The following USP32 variants were observed in gnomAD, a reference collection of about 807,000 sequenced individuals.
USP32 encodes ubiquitin carboxyl-terminal hydrolase 32.
A neutral mutation model predicts 204.8 loss-of-function variants in USP32; 59 were observed. That is an observed-to-expected ratio of 0.29 (90% confidence interval 0.23 to 0.36). The LOEUF is 0.36. Among genes scored for constraint, USP32 ranks in the 10% least tolerant of loss-of-function variants. USP32 has a pLI of 1.00. For synonymous variants in USP32, 517 were observed against 678.4 expected (o/e 0.76, Z 3.70); for missense variants, 1,160 against 1,946.4 (o/e 0.60, Z 7.60).
At chr17:60,389,903 G>T (rs77652295) in intron 1 of USP32, among the ~76,000 whole-genome samples, 1 of 151,886 alleles carries the variant, frequency 6.6e-6, no homozygotes. Context: ...TATAGTCCCA[G>T]CTGCTGGGGA....
chr17:60,314,809 C>A (rs1344869165), intron 2 of USP32, among the ~76,000 whole-genome samples: 2 of 151,814 alleles, frequency 1.3e-5, no homozygotes, highest in Non-Finnish European at 2.9e-5. Context: ...AATAGTAATA[C>A]AGAAAATCTT....
intron 2 of USP32, among the ~76,000 whole-genome samples, chr17:60,340,236 C>T (rs2088625564): frequency 6.6e-6 from 1 of 152,110 alleles, no homozygotes; most frequent in Non-Finnish European, 1.5e-5. Context: ...ATAGATCATC[C>T]ATTCCATGAG....
intron 7 of USP32, 89 bp from the exon 8 acceptor site, chr17:60,266,180 T>G (rs1431064762): frequency 1.0e-6 from 1 of 980,730 alleles, no homozygotes; most frequent in African/African-American, 1.6e-5. Flanking sequence ...GTATAATTAC[T>G]TAGTTTTTAA....
At chr17:60,278,037 G>A (rs913976401) in intron 5 of USP32, among the ~76,000 whole-genome samples, 13 of 150,312 alleles carry the variant, frequency 8.6e-5, no homozygotes, top group African/African-American at 3.2e-4. Context: ...CTCCACAGTA[G>A]CTGGGAATAT....
intron 11 of USP32, among the ~76,000 whole-genome samples, chr17:60,243,042 G>A (rs1015907701): frequency 1.4e-4 from 22 of 152,162 alleles, no homozygotes; most frequent in African/African-American, 5.3e-4. Flanking sequence ...GCAATGCTTT[G>A]TATCTTTCAG....
intron 5 of USP32, among the ~76,000 whole-genome samples, chr17:60,279,625 C>G (rs2086918211): frequency 6.6e-6 from 1 of 151,692 alleles, no homozygotes; most frequent in Admixed American, 6.6e-5. Flanking sequence ...TCACTAGAGC[C>G]CAGGAGTTTG....
Position 60,401,781 on chromosome 17 carries a change from G to C in USP32, c.106+20465C>G, listed in dbSNP as rs542563017. ...CTGCCTATGCATGAACTTCAGCCTGGTTGTCACTCAGAGATTACTGGGGCC... is the reference window on the plus strand; with the variant it reads ...CTGCCTATGCATGAACTTCAGCCTGCTTGTCACTCAGAGATTACTGGGGCC... On this transcript the variant is annotated intron_variant, in intron 1 of 3. Coordinates refer to the USP32 transcript ENST00000588898. 6.6e-5 allele frequency among the ~76,000 whole-genome samples: 10 copies of C among 151,782 alleles called. No individual in the cohort carries two copies. In the South Asian group the frequency reaches 2.1e-3, roughly 32 times the overall value.
intron 11 of USP32, among the ~76,000 whole-genome samples, chr17:60,236,668 C>CA (rs1470453147): frequency 6.6e-6 from 1 of 152,094 alleles, no homozygotes; most frequent in Non-Finnish European, 1.5e-5. Flanking sequence ...TATGTGCAAC[C>CA]AACACCACAA....
intron 11 of USP32, among the ~76,000 whole-genome samples, chr17:60,240,167 A>G (rs1377261747): frequency 6.6e-6 from 1 of 152,176 alleles, no homozygotes; most frequent in Non-Finnish European, 1.5e-5. Context: ...ATTTCTATTA[A>G]TTTCCTCTGC....
intron 2 of USP32, among the ~76,000 whole-genome samples, chr17:60,307,845 A>G (rs1250240251): frequency 6.6e-6 from 1 of 152,128 alleles, no homozygotes; most frequent in Admixed American, 6.5e-5. Context: ...GCAAGCAGAG[A>G]CATACAATTG....
chr17:60,236,642 T>C (rs997899624), intron 11 of USP32, among the ~76,000 whole-genome samples: 1 of 152,188 alleles, frequency 6.6e-6, no homozygotes, highest in African/African-American at 2.4e-5. Context: ...CTCAGTGATT[T>C]TGATAACTTT....
rs186734653 is a variant in USP32 at position 60,401,230 on chromosome 17, C to T, written c.106+21016G>A. Reference sequence around the variant, plus strand: ...CAGCACTTTGGGGGGCCAAGGTGGGCGTGGTGGTGGGCGCCTGTAGTCCCA... The same window carrying T: ...CAGCACTTTGGGGGGCCAAGGTGGGTGTGGTGGTGGGCGCCTGTAGTCCCA... On this transcript the variant is annotated intron_variant, in intron 1 of 3. Transcript: ENST00000588898. 9.5e-3 allele frequency among the ~76,000 whole-genome samples: 1,425 copies of T among 150,106 alleles called. 31 individuals carry two copies. Among genetic ancestry groups the T allele is most frequent in the African/African-American group, 0.033 (1,369 of 40,868 alleles).
chr17:60,297,195 C>T (rs1303836407), intron 3 of USP32, among the ~76,000 whole-genome samples: 6 of 151,984 alleles, frequency 3.9e-5, no homozygotes, highest in East Asian at 1.9e-4. Flanking sequence ...GCCAGGAGTT[C>T]GAGACCAGCC....
chr17:60,387,630 C>T (rs1283837616), intron 1 of USP32, among the ~76,000 whole-genome samples: 10 of 152,098 alleles, frequency 6.6e-5, no homozygotes, highest in African/African-American at 1.7e-4. Flanking sequence ...GTATTTTATT[C>T]GCATCCTCTA....
intron 1 of USP32, among the ~76,000 whole-genome samples, chr17:60,391,433 G>A (rs2089831319): frequency 6.6e-6 from 1 of 152,182 alleles, no homozygotes; most frequent in Non-Finnish European, 1.5e-5. Flanking sequence ...GCAGAGAGGA[G>A]CGCTTTGCAG....
intron 24 of USP32, chr17:60,207,830 G>A (rs118188487): frequency 0.15 from 85,404 of 557,512 alleles, 17,502 homozygotes; most frequent in African/African-American, 0.76. Flanking sequence ...GCAGCCTTAC[G>A]TATTTCCCTT....
intron 26 of USP32, among the ~76,000 whole-genome samples, chr17:60,198,961 A>G (rs187406180): frequency 6.6e-5 from 10 of 152,174 alleles, no homozygotes; most frequent in Non-Finnish European, 1.0e-4. Context: ...AAAGAAATAA[A>G]TACAATTAGC....
At chr17:60,343,450 T>C (rs2088708707) in intron 2 of USP32, among the ~76,000 whole-genome samples, 2 of 152,114 alleles carry the variant, frequency 1.3e-5, no homozygotes, top group South Asian at 4.1e-4. Context: ...CAACAAACTG[T>C]CTCTGAGACC....
At chr17:60,409,409 G>A (rs530289230) in intron 1 of USP32, among the ~76,000 whole-genome samples, 4 of 152,188 alleles carry the variant, frequency 2.6e-5, no homozygotes, top group South Asian at 2.1e-4. Flanking sequence ...TATGCACGTC[G>A]GGCAGTGAGC....
Sources: allele counts gnomAD v4.1 joint callset (sites outside exome capture counted in the v4.1 genomes callset), GRCh38; gene constraint gnomAD v4.1.1; transcripts MANE v1.5; gene names NCBI Gene and HGNC (gene_info 2026-07-23, HGNC 2026-07-21).